The following UPF3A variants were observed in gnomAD, a reference collection of about 807,000 sequenced individuals.
UPF3A encodes the protein UPF3A regulator of nonsense mediated mRNA decay.
Under a neutral mutation model 53.5 loss-of-function variants are expected in UPF3A, and 42 were observed. The observed-to-expected ratio is 0.78, with a 90% confidence interval of 0.61 to 1.01. The LOEUF (loss-of-function observed/expected upper bound fraction) is 1.01, where lower values mean the gene tolerates loss of function less well. UPF3A is among the 50% of genes least tolerant of loss of function. The pLI is 0.00. For missense variants in UPF3A, 575 were observed against 598.0 expected (o/e 0.96, Z 0.40); for synonymous variants, 237 against 225.3 (o/e 1.05, Z -0.47).
chr13:114,305,419 GT>G lies in UPF3A; in HGVS notation c.*506del, dbSNP rs1487406474. The G allele has an allele frequency of 4.8e-6, 1 of 208,310 alleles. No homozygotes were observed. Among genetic ancestry groups the G allele is most frequent in the Non-Finnish European group, 9.9e-6 (1 of 100,954 alleles). 12.9% of individuals were successfully genotyped at this position (208,310 alleles called of 1,614,324 possible). A position where few individuals can be genotyped will look rare whatever the true frequency, so the allele number is the denominator to read the frequency against. On this transcript the variant is annotated 3_prime_UTR_variant, in exon 10 of 10. Coordinates refer to ENST00000375299, the MANE Select transcript of UPF3A (RefSeq NM_023011.4). ...CAGCCATGCCCGCAAAGCGTGCTGT[GT>G]TTTAGTCCTGGTAGGAATATTTATC...
rs149113654 is a variant in UPF3A, at chr13:114,293,338, C to T, written c.846+1546C>T. On this transcript the variant is annotated intron_variant, in intron 7 of 9. Coordinates refer to ENST00000375299, the MANE Select transcript of UPF3A (RefSeq NM_023011.4). ...GGCGGAGGTTGCAGCGAGCCGGGAT[C>T]GCGCCACTGCACTCCAGCCTGGGCA... is the stretch of plus-strand genomic sequence containing the variant. 6.3e-3 allele frequency among the ~76,000 whole-genome samples: 950 copies of T among 151,894 alleles called. 7 individuals are homozygous for T. Among genetic ancestry groups the T allele is most frequent in the African/African-American group, 0.019 (788 of 41,410 alleles).
intron 7 of UPF3A, among the ~76,000 whole-genome samples, chr13:114,297,379 G>C (rs536544015): frequency 6.6e-6 from 1 of 152,290 alleles, no homozygotes; most frequent in African/African-American, 2.4e-5. Flanking sequence ...AGAATAATCA[G>C]TGTTTTGAAA....
intron 2 of UPF3A, chr13:114,282,328 A>G (rs969793003): frequency 2.5e-5 from 23 of 925,810 alleles, no homozygotes; most frequent in Middle Eastern, 2.2e-4. Context: ...TGTGGTTTAC[A>G]TGAAAAATGC....
chr13:114,286,466 T>A, intron 4 of UPF3A, 53 bp from the exon 5 acceptor site: 3 of 1,611,362 alleles, frequency 1.9e-6, no homozygotes, highest in Non-Finnish European at 2.5e-6. Context: ...AATGTAATTC[T>A]CCCGTAGTTG....
At chr13:114,296,989 A>C (rs540431267) in intron 7 of UPF3A, among the ~76,000 whole-genome samples, 1 of 152,340 alleles carries the variant, frequency 6.6e-6, no homozygotes, top group South Asian at 2.1e-4. Context: ...TTAAGTTCCC[A>C]GATTCCACAT....
chr13:114,291,914 T>C, intron 7 of UPF3A, 122 bp downstream of exon 7: 1 of 1,286,846 alleles, frequency 7.8e-7, no homozygotes, highest in Non-Finnish European at 1.1e-6. Context: ...ATTGTGTTGT[T>C]ATTTTTTTCC....
chr13:114,295,077 A>T (rs867019902), intron 7 of UPF3A, among the ~76,000 whole-genome samples: 1 of 148,470 alleles, frequency 6.7e-6, no homozygotes, highest in Admixed American at 6.7e-5. Flanking sequence ...GCGCCACTGC[A>T]CTCCAGCCTG....
intron 2 of UPF3A, chr13:114,282,624 C>T: frequency 4.1e-6 from 4 of 985,452 alleles, no homozygotes; most frequent in Non-Finnish European, 4.8e-6. Context: ...CGGTTCTGGG[C>T]AGTGGAGAAG....
At chr13:114,304,678 G>C in intron 9 of UPF3A, 111 bp from the exon 10 acceptor site, 1 of 1,450,566 alleles carries the variant, frequency 6.9e-7, no homozygotes, top group Non-Finnish European at 9.3e-7. Flanking sequence ...TAGCTGCCTA[G>C]TTGATTTTCT....
intron 7 of UPF3A, 133 bp downstream of exon 7, chr13:114,291,925 A>G: frequency 8.4e-7 from 1 of 1,192,182 alleles, no homozygotes; most frequent in South Asian, 1.7e-5. Context: ...ATTTTTTTCC[A>G]TCTTTTCCAT....
At chr13:114,301,530 G>A (rs990291595) in intron 8 of UPF3A, among the ~76,000 whole-genome samples, 1 of 151,880 alleles carries the variant, frequency 6.6e-6, no homozygotes, top group African/African-American at 2.4e-5. Context: ...TGAAATGACA[G>A]ATACTATTAC....
intron 7 of UPF3A, among the ~76,000 whole-genome samples, chr13:114,292,350 C>A (rs545421129): frequency 7.0e-6 from 1 of 143,364 alleles, no homozygotes; most frequent in East Asian, 2.1e-4. Context: ...TCATTTTCGG[C>A]TCAAGGCGTA....
intron 3 of UPF3A, among the ~76,000 whole-genome samples, chr13:114,284,698 C>CA (rs57498642): frequency 1.4e-3 from 195 of 137,652 alleles, no homozygotes; most frequent in Middle Eastern, 3.7e-3. Flanking sequence ...GACTCTGTCT[C>CA]AAAAAAAAAA....
intron 9 of UPF3A, among the ~76,000 whole-genome samples, chr13:114,302,692 G>A (rs757542635): frequency 3.3e-5 from 5 of 152,302 alleles, no homozygotes; most frequent in Non-Finnish European, 7.3e-5. Context: ...TTTCAAGAAT[G>A]CTTGATAAAT....
At position 114,302,159 on chromosome 13, in the gene UPF3A, C is replaced by G; in HGVS notation, c.1302+134C>G. The G allele has an allele frequency of 3.6e-6, 3 of 827,032 alleles. No individual in the cohort carries two copies. The East Asian group carries it at 9.5e-5, about 26-fold the overall frequency. 51.2% of individuals were successfully genotyped at this position (827,032 alleles called of 1,614,324 possible). On this transcript the variant is annotated intron_variant, in intron 9 of 9. Coordinates refer to ENST00000375299, the MANE Select transcript of UPF3A (RefSeq NM_023011.4). ...TTGAGCATTTTCAAGAGCAGTTTTT[C>G]CTGAAAGTCAGATCCCAGAGTGAGA...
At chr13:114,288,424 C>G (rs562197261) in intron 5 of UPF3A, among the ~76,000 whole-genome samples, 3 of 152,096 alleles carry the variant, frequency 2.0e-5, no homozygotes, top group African/African-American at 4.8e-5. Flanking sequence ...TGAGCCTGGC[C>G]GTGCTGAGCA....
In UPF3A at chr13:114,281,830, G is replaced by C. The variant is rs3752105; in HGVS notation, c.191G>C (p.Arg64Thr). ...GGAGKPREEK[R>T]TALSKVVIRR... The stretch of plus-strand genomic sequence containing the variant: ...GCGGGCAAACCTCGCGAGGAGAAGA[G>C]GACGGCCCTGAGCAAGGTGGGGACG... Residue 64 changes from arginine to threonine, a missense_variant, in exon 1 of 10, where the codon AGG becomes ACG. Around this residue, in one of 2 missense-constraint regions of UPF3A, gnomAD observed 252 missense variants for 182.7 expected, o/e 1.38. Transcript: ENST00000375299. 3.0e-5 allele frequency: 47 copies of C among 1,546,244 alleles called. No individual in the cohort carries two copies. Among genetic ancestry groups the C allele is most frequent in the East Asian group, 4.9e-5 (2 of 40,842 alleles).
Position 114,291,550 on chromosome 13 carries a change from T to A in UPF3A, c.687+6T>A, listed in dbSNP as rs371232121. 7 of 1,609,450 alleles carry A rather than the reference T, an allele frequency of 4.3e-6. No individual in the cohort carries two copies. Among genetic ancestry groups the A allele is most frequent in the Non-Finnish European group, 5.9e-6 (7 of 1,178,958 alleles). ...ATAGAAAATTAGAAAAGCAGGTAGG[T>A]CTGGCCTTTACCTGATGAACACCCT... On this transcript the variant is annotated splice_donor_region_variant and intron_variant, in intron 6 of 9. Transcript: ENST00000375299.
intron 7 of UPF3A, among the ~76,000 whole-genome samples, chr13:114,296,897 A>G (rs1170859144): frequency 6.6e-6 from 1 of 152,190 alleles, no homozygotes; most frequent in African/African-American, 2.4e-5. Flanking sequence ...GGAGATTTGC[A>G]CTTCCTATGG....
Sources: gnomAD v4.1 joint callset for allele counts (sites outside exome capture counted in the v4.1 genomes callset) on GRCh38, gnomAD v4.1.1 for gene constraint, gnomAD v4.1.1 regional missense constraint, MANE v1.5 for transcripts, NCBI Gene and HGNC (gene_info 2026-07-23, HGNC 2026-07-21) for gene names.